RTN3: variants seen among roughly 807,000 people sequenced by gnomAD.
The protein encoded by RTN3 is reticulon 3.
RTN3 carries 49 observed loss-of-function variants against 77.8 expected under a neutral mutation model. The ratio of observed to expected loss-of-function variants is 0.63; its 90% CI spans 0.50 to 0.80. The LOEUF (loss-of-function observed/expected upper bound fraction) is 0.80. Ranked by LOEUF, RTN3 falls within the 30% of genes least tolerant of loss-of-function variation. The probability of loss-of-function intolerance (pLI) is 0.00; values close to 1 mark genes in which losing one functional copy is unlikely to be tolerated. For missense variants in RTN3, 1,236 were observed against 1,211.9 expected (o/e 1.02, Z -0.29); for synonymous variants, 464 against 446.9 (o/e 1.04, Z -0.48).
At chr11:63,693,652 A>G (rs1941782966) in intron 1 of RTN3, among the ~76,000 whole-genome samples, 1 of 152,244 alleles carries the variant, frequency 6.6e-6, no homozygotes, top group African/African-American at 2.4e-5. Context: ...GGATGTATCC[A>G]TTTAAGTGCT....
chr11:63,730,287 A>T (rs184318619), intron 3 of RTN3, among the ~76,000 whole-genome samples: 1 of 152,338 alleles, frequency 6.6e-6, no homozygotes, highest in African/African-American at 2.4e-5. Context: ...ATTTAAATAT[A>T]AAGACACAGG....
chr11:63,699,954 A>C (rs748923001), intron 1 of RTN3, among the ~76,000 whole-genome samples: 104 of 152,342 alleles, frequency 6.8e-4, no homozygotes, highest in Non-Finnish European at 7.6e-4. Context: ...CTGTGACACA[A>C]ATACAGAATA....
chr11:63,693,432 C>T (rs771895884), intron 1 of RTN3, among the ~76,000 whole-genome samples: 1 of 151,772 alleles, frequency 6.6e-6, no homozygotes, highest in Non-Finnish European at 1.5e-5. Context: ...TGTGGTGAGC[C>T]GAGATCGCAC....
At chr11:63,717,610 G>A (rs989781833) in intron 2 of RTN3, among the ~76,000 whole-genome samples, 2 of 151,444 alleles carry the variant, frequency 1.3e-5, no homozygotes, top group South Asian at 2.1e-4. Context: ...GGCTGGTCTC[G>A]AACTCCTGAC....
At chr11:63,707,272 T>TA (rs1942542600) in intron 2 of RTN3, among the ~76,000 whole-genome samples, 1 of 152,090 alleles carries the variant, frequency 6.6e-6, no homozygotes, top group South Asian at 2.1e-4. Context: ...ATGGCTTACA[T>TA]ACCTAATGTA....
chr11:63,693,222 G>A (rs1364799969), intron 1 of RTN3, among the ~76,000 whole-genome samples: 5 of 152,160 alleles, frequency 3.3e-5, no homozygotes, highest in East Asian at 3.9e-4. Flanking sequence ...AGTGGCTCAC[G>A]CCTGTAATCC....
chr11:63,735,440 GGA>G (rs1332038527), intron 3 of RTN3, among the ~76,000 whole-genome samples: 2 of 152,144 alleles, frequency 1.3e-5, no homozygotes, highest in Non-Finnish European at 2.9e-5. Flanking sequence ...ATGACTAAGA[GGA>G]GAGAGGTGCT....
intron 3 of RTN3, among the ~76,000 whole-genome samples, chr11:63,727,144 T>C (rs1438256561): frequency 6.6e-6 from 1 of 152,138 alleles, no homozygotes; most frequent in Non-Finnish European, 1.5e-5. Context: ...AGTAAGACTC[T>C]ATCTTGAAAA....
chr11:63,744,240 CAAAAAA>C lies in RTN3; in HGVS notation c.2531-5730_2531-5725del, dbSNP rs71468642. On this transcript the variant is annotated intron_variant, in intron 3 of 8. Transcript: ENST00000377819. ...CTGGCGACAGAGCAAGACTCTGTCT[CAAAAAA>C]AAAAAAAAAAAAAAAAAAAAGTGGG... Among the ~76,000 whole-genome samples the C allele has an allele frequency of 5.6e-3, 356 of 63,596 alleles. 2 individuals are homozygous for C. Among genetic ancestry groups the C allele is most frequent in the African/African-American group, 7.3e-3 (94 of 12,868 alleles). The allele number at this position is 63,596 out of a possible 152,430, so 41.7% of individuals were successfully genotyped here.
At chr11:63,691,908 C>T (rs950920871) in intron 1 of RTN3, among the ~76,000 whole-genome samples, 5 of 152,170 alleles carry the variant, frequency 3.3e-5, no homozygotes, top group African/African-American at 9.7e-5. Flanking sequence ...GATCATGTCA[C>T]TTATGGGCCA....
intron 2 of RTN3, among the ~76,000 whole-genome samples, chr11:63,706,241 G>A (rs1942489845): frequency 6.6e-6 from 1 of 152,056 alleles, no homozygotes; most frequent in African/African-American, 2.4e-5. Context: ...AAGGGCAATG[G>A]CACTTCATTG....
chr11:63,692,563 C>T (rs933887498), intron 1 of RTN3, among the ~76,000 whole-genome samples: 2 of 152,008 alleles, frequency 1.3e-5, no homozygotes, highest in East Asian at 1.9e-4. Context: ...TGGAGACCAT[C>T]CTGGCTAACA....
chr11:63,738,080 AT>A (rs2013247647), intron 3 of RTN3, among the ~76,000 whole-genome samples: 1 of 152,208 alleles, frequency 6.6e-6, no homozygotes, highest in Admixed American at 6.5e-5. Context: ...TTCATTTATT[AT>A]AACTATTAAT....
intron 1 of RTN3, among the ~76,000 whole-genome samples, chr11:63,696,064 AATT>A (rs1164785421): frequency 1.3e-5 from 2 of 151,792 alleles, no homozygotes; most frequent in Admixed American, 1.3e-4. Context: ...TAAACGGTCT[AATT>A]ATTAGACCTT....
At chr11:63,704,433 T>C (rs1942396067) in intron 1 of RTN3, among the ~76,000 whole-genome samples, 1 of 152,204 alleles carries the variant, frequency 6.6e-6, no homozygotes, top group Non-Finnish European at 1.5e-5. Context: ...CAAATGCTTA[T>C]ATTAGTGACT....
chr11:63,700,377 A>G (rs1942176016), intron 1 of RTN3, among the ~76,000 whole-genome samples: 2 of 148,982 alleles, frequency 1.3e-5, no homozygotes, highest in South Asian at 2.1e-4. Context: ...CTGGCCTCAA[A>G]TAATCCTCTT....
In RTN3 at chr11:63,720,687, C is replaced by T; in HGVS notation, c.2185C>T (p.Gln729Ter). 6.2e-7 allele frequency: 1 copy of T among 1,614,068 alleles called. No individual in the cohort carries two copies. The highest frequency in any genetic ancestry group is 8.5e-7 in the Non-Finnish European group (1 of 1,179,996). Residue 729 changes from glutamine (Q) to a stop codon, truncating the protein, a stop_gained, in exon 3 of 9, where the codon CAA becomes TAA. Transcript: ENST00000377819. LOFTEE classifies it high-confidence loss of function. Reference protein sequence around the residue: ...GSEPLGVFPTQGTPVASLDLE... With the variant: ...GSEPLGVFPT ...TGAGCCTCTAGGTGTTTTCCCTACC[C>T]AAGGTACTCCAGTAGCATCTCTTGA...
chr11:63,753,136 T>C lies in RTN3; in HGVS notation c.2945T>C (p.Leu982Pro). The change falls in exon 6 of 9, where the codon CTT becomes CCT. Residue 982 changes from leucine to proline, a missense_variant and splice_region_variant. Physicochemically the swap from Leu to Pro is moderately conservative, Grantham distance 98. This residue lies in a region of RTN3 where 141 missense variants were observed against 154.9 expected (regional missense o/e 0.91). Transcript: ENST00000377819. ...AVFNGITLLI[L>P]AELLIFSVPI... Reference sequence around the variant, plus strand: ...TTTAACGGAATCACCCTTCTAATTCTTGGTAAGGTGGCAAGGAGAATGTGC... The same window carrying C: ...TTTAACGGAATCACCCTTCTAATTCCTGGTAAGGTGGCAAGGAGAATGTGC... 1 of 1,614,016 alleles carries C rather than the reference T, an allele frequency of 6.2e-7. No homozygotes were observed. Among genetic ancestry groups the C allele is most frequent in the Non-Finnish European group, 8.5e-7 (1 of 1,179,870 alleles).
At chr11:63,740,612 A>G (rs1280916737) in intron 3 of RTN3, among the ~76,000 whole-genome samples, 1 of 151,008 alleles carries the variant, frequency 6.6e-6, no homozygotes, top group African/African-American at 2.4e-5. Flanking sequence ...TTTTCTTTTA[A>G]TAGAGATAGG....
Sources: gnomAD v4.1 joint callset for allele counts (sites outside exome capture counted in the v4.1 genomes callset) on GRCh38, gnomAD v4.1.1 for gene constraint, gnomAD v4.1.1 regional missense constraint, MANE v1.5 for transcripts, NCBI Gene and HGNC (gene_info 2026-07-23, HGNC 2026-07-21) for gene names.